The following RAD51B variants were observed in gnomAD, a reference collection of about 807,000 sequenced individuals.
The protein encoded by RAD51B is RAD51 paralog B.
In RAD51B, 38 loss-of-function variants were observed where a neutral mutation model predicts 42.2. The ratio of observed to expected loss-of-function variants is 0.90; its 90% CI spans 0.70 to 1.18. The LOEUF is 1.18. Ranked by LOEUF, RAD51B falls within the 50% of genes most tolerant of loss-of-function variation. The pLI is 0.00. For missense variants in RAD51B, 373 were observed against 400.7 expected, an observed-to-expected ratio of 0.93 and a Z score of 0.59; for synonymous variants, 154 against 145.2, an observed-to-expected ratio of 1.06 and a Z score of -0.43.
intron 7 of RAD51B, among the ~76,000 whole-genome samples, chr14:68,005,410 C>T (rs2075572212): frequency 6.6e-6 from 1 of 152,238 alleles, no homozygotes; most frequent in Admixed American, 6.5e-5. Context: ...GTAAATAGGG[C>T]TGCTATGGAC....
chr14:68,107,252 A>G (rs2077390416), intron 7 of RAD51B, among the ~76,000 whole-genome samples: 1 of 151,836 alleles, frequency 6.6e-6, no homozygotes, highest in Non-Finnish European at 1.5e-5. Flanking sequence ...TACTTTTCAC[A>G]TCAAAAAACG....
At chr14:67,997,772 G>T (rs1411480805) in intron 7 of RAD51B, among the ~76,000 whole-genome samples, 1 of 152,104 alleles carries the variant, frequency 6.6e-6, no homozygotes, top group Non-Finnish European at 1.5e-5. Flanking sequence ...CCACAGATCA[G>T]CGAATCTTTG....
At position 67,858,232 on chromosome 14, in the gene RAD51B, C is replaced by T. The variant is rs111533020; in HGVS notation, c.316-6771C>T. Among the ~76,000 whole-genome samples the T allele has an allele frequency of 2.1e-4, 32 of 152,310 alleles. 1 individual carries two copies. The highest frequency in any genetic ancestry group is 7.7e-4 in the African/African-American group (32 of 41,580). ...CCAGCGTGACAGCCTTCTGGGTACC[C>T]GCACTTGGTGGGTCCCTGTCTGGCA... On this transcript the variant is annotated intron_variant, in intron 4 of 10. Transcript: ENST00000471583.
intron 7 of RAD51B, among the ~76,000 whole-genome samples, chr14:68,237,256 A>T (rs2080279412): frequency 2.6e-5 from 4 of 152,196 alleles, no homozygotes. Flanking sequence ...TGAGGATCAT[A>T]AGCACATTGA....
At chr14:68,343,014 A>G (rs2082602669) in intron 8 of RAD51B, among the ~76,000 whole-genome samples, 1 of 151,942 alleles carries the variant, frequency 6.6e-6, no homozygotes, top group African/African-American at 2.4e-5. Context: ...TTAAATTTAA[A>G]ATTGACAAAT....
At chr14:68,351,975 A>G (rs2082799780) in intron 8 of RAD51B, among the ~76,000 whole-genome samples, 1 of 152,142 alleles carries the variant, frequency 6.6e-6, no homozygotes, top group Non-Finnish European at 1.5e-5. Context: ...GAGGATGGGG[A>G]TGAAAAGAAG....
intron 8 of RAD51B, among the ~76,000 whole-genome samples, chr14:68,314,761 G>A (rs1233802988): frequency 6.6e-6 from 1 of 152,168 alleles, no homozygotes; most frequent in African/African-American, 2.4e-5. Context: ...GGCAATGATG[G>A]TTCAGAGTAC....
At chr14:68,282,466 G>T (rs1012468925) in intron 7 of RAD51B, among the ~76,000 whole-genome samples, 1 of 152,196 alleles carries the variant, frequency 6.6e-6, no homozygotes, top group East Asian at 1.9e-4. Flanking sequence ...TGTGTCTCCT[G>T]TGTTGAGTCT....
intron 8 of RAD51B, among the ~76,000 whole-genome samples, chr14:68,399,405 C>T (rs1193766596): frequency 2.6e-5 from 4 of 151,882 alleles, no homozygotes; most frequent in East Asian, 1.9e-4. Flanking sequence ...TACAGGCACC[C>T]GCCACAATGC....
chr14:68,082,492 T>TG (rs1364616623), intron 7 of RAD51B, among the ~76,000 whole-genome samples: 15 of 149,656 alleles, frequency 1.0e-4, no homozygotes, highest in African/African-American at 3.2e-4. Flanking sequence ...TATATATGTA[T>TG]TTATGTATGT....
rs2075324794 is a variant in RAD51B, at chr14:67,993,208, T to C, written c.756+106004T>C. 3.9e-5 allele frequency among the ~76,000 whole-genome samples: 6 copies of C among 152,276 alleles called. No homozygotes were observed. In the South Asian group the frequency reaches 1.0e-3, roughly 26 times the overall value. ...TGCTTGAGGGTATGGATACCCCATC[T>C]TTTAGTTATTTTAAAATGTACAAAA... is the stretch of plus-strand genomic sequence containing the variant. On this transcript the variant is annotated intron_variant, in intron 7 of 10. Transcript: ENST00000471583.
At chr14:67,962,576 C>A (rs1053138199) in intron 7 of RAD51B, among the ~76,000 whole-genome samples, 6 of 152,164 alleles carry the variant, frequency 3.9e-5, no homozygotes, top group African/African-American at 1.4e-4. Flanking sequence ...AAAGAAATTA[C>A]GGCCCAAGAA....
At chr14:68,231,099 A>G (rs1031654470) in intron 7 of RAD51B, among the ~76,000 whole-genome samples, 1 of 152,216 alleles carries the variant, frequency 6.6e-6, no homozygotes, top group Non-Finnish European at 1.5e-5. Flanking sequence ...ATTTGTAGCA[A>G]GAAGCCATAT....
chr14:68,331,901 T>A (rs2082359195), intron 8 of RAD51B, among the ~76,000 whole-genome samples: 1 of 151,712 alleles, frequency 6.6e-6, no homozygotes, highest in Non-Finnish European at 1.5e-5. Flanking sequence ...TGGGGGGGTT[T>A]GCTGAATATG....
In RAD51B at chr14:68,561,198, C is replaced by T. The variant is rs182545515; in HGVS notation, c.1037-33287C>T. On this transcript the variant is annotated intron_variant, in intron 10 of 10. Transcript: ENST00000487270. Reference sequence around the variant, plus strand: ...CACAACAAGCTCTTCGCATGGTGCCCGCTTCCACAACGTCTGGTGATCAAC... The same window carrying T: ...CACAACAAGCTCTTCGCATGGTGCCTGCTTCCACAACGTCTGGTGATCAAC... 3.0e-3 allele frequency among the ~76,000 whole-genome samples: 451 copies of T among 152,288 alleles called. 3 individuals are homozygous for T. The highest frequency in any genetic ancestry group is 0.01 in the African/African-American group (420 of 41,542).
intron 8 of RAD51B, among the ~76,000 whole-genome samples, chr14:68,384,221 C>T (rs1403041695): frequency 6.6e-6 from 1 of 152,132 alleles, no homozygotes; most frequent in Non-Finnish European, 1.5e-5. Flanking sequence ...AAAAAGTAAA[C>T]ATTTTAACAA....
intron 7 of RAD51B, among the ~76,000 whole-genome samples, chr14:67,980,573 A>G (rs1440477623): frequency 6.6e-6 from 1 of 152,242 alleles, no homozygotes; most frequent in African/African-American, 2.4e-5. Context: ...AAGAATGGAG[A>G]GTCCAGAAAC....
chr14:68,319,999 T>G (rs111731280), intron 8 of RAD51B, among the ~76,000 whole-genome samples: 3 of 152,276 alleles, frequency 2.0e-5, no homozygotes, highest in African/African-American at 7.2e-5. Flanking sequence ...ACAGAGCCAT[T>G]GAAAGGCAGA....
chr14:68,670,169 C>A (rs1893126220), intron 11 of RAD51B, among the ~76,000 whole-genome samples: 3 of 152,158 alleles, frequency 2.0e-5, no homozygotes, highest in Admixed American at 6.5e-5. Flanking sequence ...CCAGGCCGAC[C>A]CTTCCTTGTG....
Sources: gnomAD v4.1 joint callset for allele counts (sites outside exome capture counted in the v4.1 genomes callset) on GRCh38, gnomAD v4.1.1 for gene constraint, MANE v1.5 for transcripts, NCBI Gene and HGNC (gene_info 2026-07-23, HGNC 2026-07-21) for gene names.